The following GRK4 variants were observed in gnomAD, a reference collection of about 807,000 sequenced individuals.
GRK4 encodes the protein G protein-coupled receptor kinase 2-like.
A neutral mutation model predicts 77.9 loss-of-function variants in GRK4; 73 were observed. The ratio of observed to expected loss-of-function variants is 0.94; its 90% CI spans 0.78 to 1.14. GRK4 has a LOEUF of 1.14. GRK4 is among the 50% of genes most tolerant of loss of function. GRK4 has a pLI of 0.00. For missense variants in GRK4, 729 were observed against 700.2 expected (o/e 1.04, Z -0.46); for synonymous variants, 257 against 254.4 (o/e 1.01, Z -0.10).
chr4:2,977,121 C>T (rs550819988), intron 1 of GRK4, among the ~76,000 whole-genome samples: 34 of 152,244 alleles, frequency 2.2e-4, no homozygotes, highest in Non-Finnish European at 4.3e-4. Flanking sequence ...CAGGAACAGG[C>T]GGCCTTTCAT....
At position 3,037,351 on chromosome 4, in the gene GRK4, CTGCCCCTGTTCT is replaced by C; in HGVS notation, c.1408-19_1408-8del. ...AGAATTGCTGTAGTCATCTCAGAGG[CTGCCCCTGTTCT>C]TGCTACACAGCCTCATGCCGTTTAC... On this transcript the variant is annotated splice_polypyrimidine_tract_variant and intron_variant, in intron 13 of 15. Transcript: ENST00000398052. 1 of 1,563,028 alleles carries C rather than the reference CTGCCCCTGTTCT, an allele frequency of 6.4e-7. No homozygotes were observed. The highest frequency in any genetic ancestry group is 8.8e-7 in the Non-Finnish European group (1 of 1,141,142).
In GRK4 at chr4:3,013,723, G is replaced by A. The variant is rs903972349; in HGVS notation, c.636G>A (p.Met212Ile). Residue 212 changes from methionine (M) to isoleucine (I), a missense_variant, in exon 8 of 16, where the codon ATG (methionine) becomes ATA (isoleucine). Met to Ile is a conservative substitution (Grantham distance 10). Transcript: ENST00000398052. ...GTCAAGTGCGAGCCACAGGAAAAAT[G>A]TATGCCTGCAAAAAGCTACAAAAAA... Reference protein sequence around the residue: ...CACQVRATGKMYACKKLQKKR... With the variant: ...CACQVRATGKIYACKKLQKKR... 2 of 1,613,480 alleles carry A rather than the reference G, an allele frequency of 1.2e-6. No homozygotes were observed. Among genetic ancestry groups the A allele is most frequent in the Middle Eastern group, 3.3e-4 (2 of 6,058 alleles).
chr4:3,009,421 C>CAA (rs33988983), intron 6 of GRK4, among the ~76,000 whole-genome samples: 18 of 86,604 alleles, frequency 2.1e-4, no homozygotes, highest in South Asian at 4.6e-4. Context: ...GACTCCATCT[C>CAA]AAAAAAAAAA....
chr4:3,002,574 G>A (rs113219589), intron 4 of GRK4, among the ~76,000 whole-genome samples: 21 of 152,218 alleles, frequency 1.4e-4, no homozygotes, highest in African/African-American at 5.1e-4. Flanking sequence ...CGTGGTGGCG[G>A]GCACCTGTAA....
At chr4:3,013,332 A>G (rs1733458520) in intron 7 of GRK4, among the ~76,000 whole-genome samples, 1 of 152,108 alleles carries the variant, frequency 6.6e-6, no homozygotes, top group Non-Finnish European at 1.5e-5. Context: ...GATTGTAGGC[A>G]TGAGCCACCA....
Position 3,035,458 on chromosome 4 carries a change from G to C in GRK4, c.1342G>C (p.Val448Leu), listed in dbSNP as rs547383255. The C allele has an allele frequency of 7.4e-6, 12 of 1,613,896 alleles. No individual in the cohort carries two copies. The highest frequency in any genetic ancestry group is 9.3e-6 in the Non-Finnish European group (11 of 1,179,878). Residue 448 changes from valine to leucine, a missense_variant, in exon 13 of 16, where the codon GTG becomes CTG. Coordinates refer to ENST00000398052, the MANE Select transcript of GRK4 (RefSeq NM_182982.3). ...EGAAGVKQHPVFKDINFRRLE... is the reference protein window; with the variant it reads ...EGAAGVKQHPLFKDINFRRLE... ...AGCGGCTGGGGTGAAGCAGCACCCC[G>C]TGTTCAAGGACATCAACTTCAGGAG...
intron 11 of GRK4, among the ~76,000 whole-genome samples, chr4:3,028,903 C>T (rs1346035067): frequency 6.6e-6 from 1 of 152,064 alleles, no homozygotes; most frequent in African/African-American, 2.4e-5. Context: ...TCCTGAGTAT[C>T]TGGAACTACA....
chr4:3,007,908 C>A, intron 6 of GRK4, 80 bp downstream of exon 6: 1 of 945,060 alleles, frequency 1.1e-6, no homozygotes, highest in Non-Finnish European at 1.6e-6. Context: ...GAGGCTGAGG[C>A]TGAAGGATTG....
intron 10 of GRK4, among the ~76,000 whole-genome samples, chr4:3,026,339 C>A (rs773274367): frequency 2.6e-5 from 4 of 152,094 alleles, no homozygotes; most frequent in South Asian, 2.1e-4. Flanking sequence ...TTTTAAGTTG[C>A]ATTTCTCAGT....
chr4:3,034,950 A>T (rs1186296791), intron 12 of GRK4, among the ~76,000 whole-genome samples: 1 of 152,158 alleles, frequency 6.6e-6, no homozygotes, highest in African/African-American at 2.4e-5. Context: ...GGTCTGCTTG[A>T]TGCTTGGAAA....
At chr4:3,001,982 A>G (rs567670312) in intron 4 of GRK4, among the ~76,000 whole-genome samples, 79 of 152,280 alleles carry the variant, frequency 5.2e-4, no homozygotes, top group Non-Finnish European at 9.6e-4. Context: ...TCCTTTTTCC[A>G]GAATTCTCTG....
chr4:2,973,467 G>A (rs1033617096), intron 1 of GRK4, among the ~76,000 whole-genome samples: 11 of 152,036 alleles, frequency 7.2e-5, no homozygotes, highest in African/African-American at 2.4e-4. Flanking sequence ...ACCTGACATC[G>A]CTGTATGGAA....
intron 15 of GRK4, among the ~76,000 whole-genome samples, chr4:3,039,935 A>G (rs1198479681): frequency 6.6e-6 from 1 of 152,052 alleles, no homozygotes; most frequent in African/African-American, 2.4e-5. Context: ...GTTTTGGGGA[A>G]AACCTGCCGT....
At position 3,021,132 on chromosome 4, in the gene GRK4, C is replaced by T. The variant is rs559602206; in HGVS notation, c.933-1282C>T. 1.9e-3 allele frequency among the ~76,000 whole-genome samples: 288 copies of T among 152,272 alleles called. 1 individual carries two copies. Among genetic ancestry groups the T allele is most frequent in the Non-Finnish European group, 2.6e-3 (178 of 68,020 alleles). ...CTCGTGGCCTTTGTGATGCAGCTCC[C>T]CACAGAGCCCTCCAGCCTTGGGTCC... is the stretch of plus-strand genomic sequence containing the variant. On this transcript the variant is annotated intron_variant, in intron 9 of 15. Transcript: ENST00000398052.
chr4:3,003,274 C>T (rs1291251437), intron 4 of GRK4, among the ~76,000 whole-genome samples: 2 of 152,164 alleles, frequency 1.3e-5, no homozygotes, highest in East Asian at 3.9e-4. Flanking sequence ...ACTGCAACCT[C>T]CGCCTCTCAG....
At chr4:2,973,470 G>T (rs1417798757) in intron 1 of GRK4, among the ~76,000 whole-genome samples, 1 of 152,104 alleles carries the variant, frequency 6.6e-6, no homozygotes, top group East Asian at 1.9e-4. Context: ...TGACATCGCT[G>T]TATGGAAGCC....
intron 1 of GRK4, among the ~76,000 whole-genome samples, chr4:2,967,117 C>T (rs1395079052): frequency 6.6e-6 from 1 of 152,204 alleles, no homozygotes; most frequent in African/African-American, 2.4e-5. Context: ...AAGATGCCAG[C>T]TATGAATCAG....
At chr4:2,964,516 G>C (rs552089899) in intron 1 of GRK4, among the ~76,000 whole-genome samples, 1 of 152,294 alleles carries the variant, frequency 6.6e-6, no homozygotes, top group Non-Finnish European at 1.5e-5. Context: ...TGGTCTTAAG[G>C]GGGACAAAGA....
At chr4:3,032,516 G>A (rs548896455) in intron 12 of GRK4, among the ~76,000 whole-genome samples, 10 of 152,284 alleles carry the variant, frequency 6.6e-5, no homozygotes, top group African/African-American at 2.4e-4. Flanking sequence ...AATGGGTGTC[G>A]TAAGTGGATA....
Sources: allele counts gnomAD v4.1 joint callset (sites outside exome capture counted in the v4.1 genomes callset), GRCh38; gene constraint gnomAD v4.1.1; transcripts MANE v1.5; gene names NCBI Gene and HGNC (gene_info 2026-07-23, HGNC 2026-07-21).